Variants in IMMP2L observed in about 807,000 individuals in gnomAD.
IMMP2L encodes inner mitochondrial membrane peptidase subunit 2, also known as mitochondrial inner membrane protease subunit 2.
IMMP2L carries 18 observed loss-of-function variants against 19.3 expected under a neutral mutation model. That is an observed-to-expected ratio of 0.93 (90% confidence interval 0.64 to 1.38). The LOEUF (loss-of-function observed/expected upper bound fraction) is 1.38. IMMP2L is among the 40% of genes most tolerant of loss of function. The pLI is 0.00. For missense variants in IMMP2L, 233 were observed against 218.2 expected (o/e 1.07, Z -0.43); for synonymous variants, 76 against 73.0 (o/e 1.04, Z -0.21).
chr7:111,073,941 T>C (rs1795172058), intron 3 of IMMP2L, among the ~76,000 whole-genome samples: 1 of 152,240 alleles, frequency 6.6e-6, no homozygotes, highest in Admixed American at 6.5e-5. Context: ...TTGGTCAGTC[T>C]TCTGTTCCTC....
intron 4 of IMMP2L, 94 bp downstream of exon 4, chr7:110,963,406 C>A (rs1021382597): frequency 9.6e-6 from 8 of 837,008 alleles, no homozygotes; most frequent in Non-Finnish European, 1.5e-5. Context: ...AAAACTTTGG[C>A]CCTCATGGAC....
chr7:111,148,019 G>A (rs1402781393), intron 3 of IMMP2L, among the ~76,000 whole-genome samples: 2 of 151,964 alleles, frequency 1.3e-5, no homozygotes, highest in Non-Finnish European at 2.9e-5. Context: ...CACCCCAAGA[G>A]TACCGAAAAC....
chr7:110,804,661 G>A (rs566682700), intron 5 of IMMP2L, among the ~76,000 whole-genome samples: 1 of 152,208 alleles, frequency 6.6e-6, no homozygotes, highest in Non-Finnish European at 1.5e-5. Context: ...TGTGCGAAAA[G>A]TGAGGAATGC....
chr7:111,056,081 T>C (rs1048950547), intron 3 of IMMP2L, among the ~76,000 whole-genome samples: 1 of 152,252 alleles, frequency 6.6e-6, no homozygotes, highest in African/African-American at 2.4e-5. Context: ...TATTTACAGA[T>C]ACATTTAAGA....
At chr7:111,494,631 T>G (rs548816528) in intron 2 of IMMP2L, among the ~76,000 whole-genome samples, 1 of 152,256 alleles carries the variant, frequency 6.6e-6, no homozygotes, top group East Asian at 1.9e-4. Flanking sequence ...AACAGATTAT[T>G]TAACCTGTCT....
intron 5 of IMMP2L, among the ~76,000 whole-genome samples, chr7:110,726,711 C>G (rs1360971809): frequency 6.6e-6 from 1 of 152,152 alleles, no homozygotes; most frequent in African/African-American, 2.4e-5. Context: ...TATGTGTCCC[C>G]TGCATTTTGA....
chr7:111,528,566 A>G (rs1189529346), intron 1 of IMMP2L, among the ~76,000 whole-genome samples: 2 of 152,192 alleles, frequency 1.3e-5, no homozygotes, highest in African/African-American at 4.8e-5. Context: ...CCTCAACCAC[A>G]TAACAACCCA....
At chr7:111,152,274 C>T (rs1342322909) in intron 3 of IMMP2L, among the ~76,000 whole-genome samples, 2 of 151,938 alleles carry the variant, frequency 1.3e-5, no homozygotes, top group East Asian at 1.9e-4. Context: ...GCTTAAAATC[C>T]ATACATTCCC....
intron 5 of IMMP2L, among the ~76,000 whole-genome samples, chr7:110,696,708 G>T (rs1475118814): frequency 6.6e-6 from 1 of 152,134 alleles, no homozygotes. Context: ...TTATAGGCGT[G>T]AGCCACTGCA....
intron 1 of IMMP2L, among the ~76,000 whole-genome samples, chr7:111,535,374 C>T (rs1847794142): frequency 6.6e-6 from 1 of 152,054 alleles, no homozygotes; most frequent in South Asian, 2.1e-4. Context: ...AAAAAAACTG[C>T]ACACTTCACT....
chr7:111,539,130 G>GA (rs1341023204), intron 1 of IMMP2L, among the ~76,000 whole-genome samples: 12 of 93,036 alleles, frequency 1.3e-4, no homozygotes, highest in Non-Finnish European at 2.1e-4. Context: ...AAAAAGAAAA[G>GA]AAAAGGAAGG....
intron 3 of IMMP2L, among the ~76,000 whole-genome samples, chr7:111,180,330 A>C (rs1807564165): frequency 6.6e-6 from 1 of 151,976 alleles, no homozygotes; most frequent in Admixed American, 6.6e-5. Context: ...TAGTTGGCCT[A>C]ATTTCAATAT....
chr7:110,893,504 T>G (rs925294354), intron 4 of IMMP2L, among the ~76,000 whole-genome samples: 10 of 152,210 alleles, frequency 6.6e-5, no homozygotes, highest in African/African-American at 2.4e-4. Flanking sequence ...ACTATATGAA[T>G]GTACCAGAAT....
chr7:110,989,832 A>G (rs904519558), intron 3 of IMMP2L, among the ~76,000 whole-genome samples: 1 of 151,968 alleles, frequency 6.6e-6, no homozygotes, highest in African/African-American at 2.4e-5. Flanking sequence ...TTTAAAAGAA[A>G]TGTTGGCAGG....
intron 3 of IMMP2L, among the ~76,000 whole-genome samples, chr7:111,131,528 C>T (rs1801845810): frequency 6.6e-6 from 1 of 152,008 alleles, no homozygotes; most frequent in South Asian, 2.1e-4. Flanking sequence ...TAACAATTTG[C>T]TGTGCTCTTA....
chr7:110,960,553 T>C (rs963981759), intron 4 of IMMP2L, among the ~76,000 whole-genome samples: 9 of 151,944 alleles, frequency 5.9e-5, no homozygotes. Flanking sequence ...CTATATACTG[T>C]TTTGCAAATA....
At chr7:111,358,048 T>C (rs1299195661) in intron 3 of IMMP2L, among the ~76,000 whole-genome samples, 1 of 151,796 alleles carries the variant, frequency 6.6e-6, no homozygotes, top group Non-Finnish European at 1.5e-5. Flanking sequence ...ATCTTTGTAC[T>C]GGGCTGTCAA....
intron 3 of IMMP2L, among the ~76,000 whole-genome samples, chr7:111,087,111 T>C (rs922953483): frequency 2.6e-5 from 4 of 152,304 alleles, no homozygotes; most frequent in Admixed American, 2.6e-4. Flanking sequence ...GCAAGTAAGC[T>C]AGCTTCTTTC....
rs527651453 is a variant in IMMP2L at position 111,308,056 on chromosome 7, A to G, written c.239+179182T>C. Among the ~76,000 whole-genome samples the G allele has an allele frequency of 3.3e-5, 5 of 152,050 alleles. No individual in the cohort carries two copies. In the South Asian group the frequency reaches 1.0e-3, roughly 32 times the overall value. On this transcript the variant is annotated intron_variant, in intron 3 of 5. Transcript: ENST00000405709. ...TGATATAGTTCAACTCAGTCTCTTA[A>G]CTTACAACTATGCTTGTGCGTATCT...
Sources: gnomAD v4.1 joint callset for allele counts (sites outside exome capture counted in the v4.1 genomes callset) on GRCh38, gnomAD v4.1.1 for gene constraint, MANE v1.5 for transcripts, NCBI Gene and HGNC (gene_info 2026-07-23, HGNC 2026-07-21) for gene names.